Variants in OSBP2 observed in about 807,000 individuals in gnomAD.
The protein encoded by OSBP2 is oxysterol binding protein 2, also known as oxysterol-binding protein 2.
Under a neutral mutation model 96.0 loss-of-function variants are expected in OSBP2, and 66 were observed. The observed-to-expected ratio is 0.69, with a 90% CI of 0.56 to 0.84. The LOEUF is 0.84. OSBP2 is among the 40% of genes least tolerant of loss of function. The pLI, the probability that OSBP2 is intolerant of heterozygous loss-of-function variation, is 0.00. For synonymous variants in OSBP2, 525 were observed against 520.9 expected (o/e 1.01, Z -0.11); for missense variants, 1,038 against 1,222.7 (o/e 0.85, Z 2.25).
chr22:30,703,416 C>T (rs1426424787), intron 1 of OSBP2, among the ~76,000 whole-genome samples: 1 of 151,178 alleles, frequency 6.6e-6, no homozygotes, highest in Non-Finnish European at 1.5e-5. Flanking sequence ...TCAAGTGATC[C>T]ACTCTCCTCA....
intron 1 of OSBP2, among the ~76,000 whole-genome samples, chr22:30,697,427 C>T (rs185746999): frequency 2.6e-5 from 4 of 152,064 alleles, no homozygotes; most frequent in Admixed American, 6.6e-5. Context: ...TACAGGTGTG[C>T]GCCACCACAC....
intron 2 of OSBP2, among the ~76,000 whole-genome samples, chr22:30,768,690 A>AC (rs1193255469): frequency 1.3e-5 from 2 of 152,076 alleles, no homozygotes; most frequent in Non-Finnish European, 2.9e-5. Context: ...AAAAAAAAAA[A>AC]CAAAAACAAA....
At chr22:30,898,174 C>G (rs2040108094) in intron 12 of OSBP2, among the ~76,000 whole-genome samples, 2 of 151,906 alleles carry the variant, frequency 1.3e-5, no homozygotes, top group African/African-American at 4.8e-5. Context: ...GACCTCATCT[C>G]TACCAAAAAA....
chr22:30,736,005 C>T (rs2089848757), intron 1 of OSBP2, among the ~76,000 whole-genome samples: 1 of 152,010 alleles, frequency 6.6e-6, no homozygotes, highest in African/African-American at 2.4e-5. Context: ...CCTCTGCCTC[C>T]CAGGTTCAAG....
chr22:30,745,844 G>A (rs2089993609), intron 2 of OSBP2, among the ~76,000 whole-genome samples: 1 of 152,062 alleles, frequency 6.6e-6, no homozygotes, highest in Non-Finnish European at 1.5e-5. Context: ...AATCAGAAAT[G>A]AAAGTGGGAA....
At chr22:30,805,309 T>C (rs981506284) in intron 2 of OSBP2, among the ~76,000 whole-genome samples, 2 of 152,258 alleles carry the variant, frequency 1.3e-5, no homozygotes, top group African/African-American at 4.8e-5. Context: ...TATTTGTCAA[T>C]AGAACACGTT....
Position 30,881,687 on chromosome 22 carries a change from C to G in OSBP2, c.1108-5739C>G, listed in dbSNP as rs1420018769. Reference sequence around the variant, plus strand: ...ACAGCACACAGCCCAGCTCAGCATTCTGAGAACAGCAGGGCCACGCCAGGC... The same window carrying G: ...ACAGCACACAGCCCAGCTCAGCATTGTGAGAACAGCAGGGCCACGCCAGGC... On this transcript the variant is annotated intron_variant, in intron 3 of 13. Transcript: ENST00000332585. The surrounding 1 kb of genome is among the most constrained non-coding windows in gnomAD (Gnocchi z 4.5). 28 of 1,304,044 alleles carry G rather than the reference C, an allele frequency of 2.1e-5. No individual in the cohort carries two copies. The highest frequency in any genetic ancestry group is 2.8e-5 in the Non-Finnish European group (28 of 988,942). The allele number at this position is 1,304,044 out of a possible 1,614,324, so 80.8% of individuals were successfully genotyped here.
Position 30,890,889 on chromosome 22 carries a change from C to G in OSBP2, c.1785C>G (p.Ile595Met). The change falls in exon 8 of 14, where the codon ATC (isoleucine) becomes ATG (methionine). Residue 595 changes from isoleucine (I) to methionine (M), a missense_variant. Ile to Met is a conservative substitution (Grantham distance 10, BLOSUM62 1). This residue lies in a region of OSBP2 where 737 missense variants were observed against 913.3 expected (regional missense o/e 0.81). Coordinates refer to ENST00000332585, the MANE Select transcript of OSBP2 (RefSeq NM_030758.4). The surrounding 1 kb of genome is among the most constrained non-coding windows in gnomAD (Gnocchi z 4.4). ...CCTACTCCACCACAGTGCACCGCATCGCCAAGCCCTTCAACCCCATGCTGG... is the reference window on the plus strand; with the variant it reads ...CCTACTCCACCACAGTGCACCGCATGGCCAAGCCCTTCAACCCCATGCTGG... ...VSSYSTTVHR[I>M]AKPFNPMLGE... 6.2e-7 allele frequency: 1 copy of G among 1,613,692 alleles called. No homozygotes were observed. Among genetic ancestry groups the G allele is most frequent in the Non-Finnish European group, 8.5e-7 (1 of 1,180,034 alleles).
intron 2 of OSBP2, among the ~76,000 whole-genome samples, chr22:30,842,038 C>T (rs2038763102): frequency 6.6e-6 from 1 of 152,002 alleles, no homozygotes; most frequent in Admixed American, 6.6e-5. Flanking sequence ...CTTCACCTCC[C>T]TGGGCTCAGG....
chr22:30,785,051 G>A (rs1219645675), intron 2 of OSBP2, among the ~76,000 whole-genome samples: 1 of 152,130 alleles, frequency 6.6e-6, no homozygotes, highest in Non-Finnish European at 1.5e-5. Context: ...TGGGATTACA[G>A]GTGTGAGCCA....
chr22:30,888,079 C>T (rs1431468067), intron 4 of OSBP2, 144 bp from the exon 5 acceptor site: 18 of 669,238 alleles, frequency 2.7e-5, no homozygotes, highest in Admixed American at 2.3e-5. Flanking sequence ...GGCCGCAGCC[C>T]AGGGAATCAG....
intron 2 of OSBP2, among the ~76,000 whole-genome samples, chr22:30,761,477 A>C (rs2090203999): frequency 6.6e-6 from 1 of 152,252 alleles, no homozygotes; most frequent in Admixed American, 6.5e-5. Flanking sequence ...CTCATGGATC[A>C]GAAGATTCAA....
intron 2 of OSBP2, chr22:30,822,695 A>G (rs749321550): frequency 1.5e-5 from 23 of 1,532,956 alleles, no homozygotes; most frequent in Admixed American, 2.0e-5. Context: ...GGCTGCCTGA[A>G]TAAATTTAAG....
chr22:30,751,655 C>T (rs113562133), intron 2 of OSBP2, among the ~76,000 whole-genome samples: 1 of 152,170 alleles, frequency 6.6e-6, no homozygotes, highest in African/African-American at 2.4e-5. Flanking sequence ...GCGCCCAGCC[C>T]TCTTCAAATA....
At chr22:30,802,315 G>A (rs2090861383) in intron 2 of OSBP2, among the ~76,000 whole-genome samples, 1 of 152,232 alleles carries the variant, frequency 6.6e-6, no homozygotes, top group African/African-American at 2.4e-5. Context: ...AGTCCCGTCT[G>A]TTGGTTGGTG....
chr22:30,734,419 C>T (rs181339330), intron 1 of OSBP2, among the ~76,000 whole-genome samples: 7 of 152,292 alleles, frequency 4.6e-5, no homozygotes, highest in Admixed American at 4.6e-4. Flanking sequence ...AGAGGAGTTA[C>T]CACTGCAGCT....
At chr22:30,825,426 C>T (rs1339123101) in intron 2 of OSBP2, among the ~76,000 whole-genome samples, 1 of 152,142 alleles carries the variant, frequency 6.6e-6, no homozygotes, top group African/African-American at 2.4e-5. Flanking sequence ...GGCAAGGTTG[C>T]TGGGAGGTTG....
At chr22:30,764,780 C>G (rs954686416) in intron 2 of OSBP2, among the ~76,000 whole-genome samples, 1 of 152,084 alleles carries the variant, frequency 6.6e-6, no homozygotes, top group Middle Eastern at 3.2e-3. Context: ...ACCCTCAGAC[C>G]CCTCAGTCCT....
intron 1 of OSBP2, among the ~76,000 whole-genome samples, chr22:30,718,537 T>C (rs1238596838): frequency 2.0e-5 from 3 of 152,204 alleles, no homozygotes; most frequent in Non-Finnish European, 1.5e-5. Context: ...GGGAAATGTC[T>C]GTTGACTTAA....
Sources: gnomAD v4.1 joint callset for allele counts (sites outside exome capture counted in the v4.1 genomes callset) on GRCh38, gnomAD v4.1.1 for gene constraint, gnomAD v4.1.1 regional missense constraint, Gnocchi (gnomAD v3.1) non-coding constraint, MANE v1.5 for transcripts, NCBI Gene and HGNC (gene_info 2026-07-23, HGNC 2026-07-21) for gene names.